Variants in CLVS1 observed in about 807,000 individuals in gnomAD.
CLVS1 encodes the protein clavesin-1.
In CLVS1, 10 loss-of-function variants were observed where a neutral mutation model predicts 33.1. The ratio of observed to expected loss-of-function variants is 0.30; its 90% CI spans 0.19 to 0.51. The LOEUF is 0.51. Ranked by LOEUF, CLVS1 falls within the 20% of genes least tolerant of loss-of-function variation. The probability of loss-of-function intolerance (pLI) is 0.97; values close to 1 mark genes in which losing one functional copy is unlikely to be tolerated. For synonymous variants in CLVS1, 163 were observed against 166.1 expected, an observed-to-expected ratio of 0.98 and a Z score of 0.14; for missense variants, 343 against 433.4, an observed-to-expected ratio of 0.79 and a Z score of 1.85.
intron 1 of CLVS1, among the ~76,000 whole-genome samples, chr8:61,119,383 A>G (rs1805809375): frequency 6.7e-6 from 1 of 149,328 alleles, no homozygotes; most frequent in African/African-American, 2.5e-5. Context: ...TTTAAAGTTA[A>G]TATTGTTATG....
chr8:61,354,647 A>G (rs534377118), intron 2 of CLVS1, among the ~76,000 whole-genome samples: 30 of 152,318 alleles, frequency 2.0e-4, no homozygotes, highest in African/African-American at 6.5e-4. Context: ...CTACTCAACA[A>G]TAAAAGGAAT....
At chr8:61,406,623 G>A (rs561801039) in intron 3 of CLVS1, among the ~76,000 whole-genome samples, 4 of 151,854 alleles carry the variant, frequency 2.6e-5, no homozygotes, top group Admixed American at 6.6e-5. Flanking sequence ...TTTTGTGGGG[G>A]GGGGGATGGA....
chr8:61,255,105 G>A (rs1346508905), intron 2 of CLVS1, among the ~76,000 whole-genome samples: 1 of 152,030 alleles, frequency 6.6e-6, no homozygotes, highest in Non-Finnish European at 1.5e-5. Context: ...AACATTCTGG[G>A]GATTCAATGA....
the CLVS1 span, among the ~76,000 whole-genome samples, chr8:61,025,969 T>C: frequency 1.3e-5 from 2 of 152,214 alleles, no homozygotes; most frequent in Admixed American, 6.5e-5. Flanking sequence ...CCTAAGATTG[T>C]GCTATCTGAA....
chr8:61,497,580 G>A (rs1016100218), intron 5 of CLVS1, among the ~76,000 whole-genome samples: 4 of 152,026 alleles, frequency 2.6e-5, no homozygotes, highest in African/African-American at 9.7e-5. Context: ...TGGGTCAGGG[G>A]TTTCCTCAGT....
At chr8:61,169,568 T>C (rs1415192102) in intron 2 of CLVS1, among the ~76,000 whole-genome samples, 1 of 152,176 alleles carries the variant, frequency 6.6e-6, no homozygotes, top group Non-Finnish European at 1.5e-5. Context: ...TAAGACAACC[T>C]TTGTTCATAG....
chr8:61,088,226 C>G (rs532411878), intron 1 of CLVS1, among the ~76,000 whole-genome samples: 1 of 152,288 alleles, frequency 6.6e-6, no homozygotes, highest in East Asian at 1.9e-4. Context: ...CGATGGCTCA[C>G]GCTTGTAATC....
intron 1 of CLVS1, among the ~76,000 whole-genome samples, chr8:61,076,174 C>T (rs1804906120): frequency 6.6e-6 from 1 of 152,084 alleles, no homozygotes; most frequent in Non-Finnish European, 1.5e-5. Context: ...CTCTCTCCCT[C>T]CCTCCTTCTC....
At chr8:61,148,586 T>A (rs1447742609) in intron 2 of CLVS1, among the ~76,000 whole-genome samples, 1 of 152,224 alleles carries the variant, frequency 6.6e-6, no homozygotes, top group African/African-American at 2.4e-5. Flanking sequence ...GCTAACAAGA[T>A]ACAGGTTCCT....
intron 5 of CLVS1, among the ~76,000 whole-genome samples, chr8:61,461,847 C>T (rs983730693): frequency 6.6e-6 from 1 of 152,154 alleles, no homozygotes; most frequent in African/African-American, 2.4e-5. Flanking sequence ...TCTATGAGAA[C>T]CTTCTTCTCC....
At chr8:61,337,288 T>C (rs186332385) in intron 2 of CLVS1, among the ~76,000 whole-genome samples, 14 of 152,320 alleles carry the variant, frequency 9.2e-5, no homozygotes, top group Admixed American at 8.5e-4. Flanking sequence ...AGTTATGAAA[T>C]AATTTCCCTG....
chr8:61,116,074 G>T (rs1342536787), intron 1 of CLVS1, among the ~76,000 whole-genome samples: 1 of 151,218 alleles, frequency 6.6e-6, no homozygotes, highest in African/African-American at 2.4e-5. Flanking sequence ...ATTCTAACTG[G>T]TGTGAGATGG....
At chr8:61,424,355 G>T (rs1464407151) in intron 3 of CLVS1, among the ~76,000 whole-genome samples, 1 of 152,204 alleles carries the variant, frequency 6.6e-6, no homozygotes, top group Non-Finnish European at 1.5e-5. Flanking sequence ...TACAATGAAA[G>T]ACTAATTCCT....
chr8:61,221,339 T>G (rs1808212301), intron 2 of CLVS1, among the ~76,000 whole-genome samples: 1 of 152,178 alleles, frequency 6.6e-6, no homozygotes, highest in Non-Finnish European at 1.5e-5. Context: ...ATAGATCCTA[T>G]TATTTTGAGA....
At chr8:61,184,369 T>C (rs1364722222) in intron 2 of CLVS1, among the ~76,000 whole-genome samples, 1 of 152,206 alleles carries the variant, frequency 6.6e-6, no homozygotes, top group Non-Finnish European at 1.5e-5. Context: ...TTTCTTCCTA[T>C]GCAGTGAGGA....
At position 61,099,385 on chromosome 8, in the gene CLVS1, GT is replaced by G. The variant is rs1165731597; in HGVS notation, c.-242-32384del. On this transcript the variant is annotated intron_variant, in intron 1 of 2. Transcript: ENST00000522621. The stretch of plus-strand genomic sequence containing the variant: ...AAGCCAGGACTCTTCTTGGACCTTT[GT>G]CTTTTTTTTAATGATTCATTTATTT... Among the ~76,000 whole-genome samples the G allele has an allele frequency of 3.3e-5, 5 of 152,080 alleles. No individual in the cohort carries two copies. The East Asian group carries it at 9.6e-4, about 29-fold the overall frequency.
chr8:61,338,019 C>T (rs1811868077), intron 2 of CLVS1, among the ~76,000 whole-genome samples: 1 of 152,196 alleles, frequency 6.6e-6, no homozygotes, highest in South Asian at 2.1e-4. Flanking sequence ...GACAGGTAAC[C>T]TGCAGAATAC....
At chr8:60,974,912 C>A in the CLVS1 span, among the ~76,000 whole-genome samples, 1 of 152,142 alleles carries the variant, frequency 6.6e-6, no homozygotes, top group Non-Finnish European at 1.5e-5. Context: ...TGAGGATCAG[C>A]TGGAGGGGCT....
chr8:61,115,783 A>T (rs1213327360), intron 1 of CLVS1, among the ~76,000 whole-genome samples: 10 of 146,098 alleles, frequency 6.8e-5, no homozygotes, highest in Middle Eastern at 3.4e-3. Context: ...AGTGTTGGAC[A>T]TTTGGGTTGG....
Sources: allele counts gnomAD v4.1 joint callset (sites outside exome capture counted in the v4.1 genomes callset), GRCh38; gene constraint gnomAD v4.1.1; transcripts MANE v1.5; gene names NCBI Gene and HGNC (gene_info 2026-07-23, HGNC 2026-07-21).